DPP10: variants seen among roughly 807,000 people sequenced by gnomAD.
DPP10 encodes the protein dipeptidyl peptidase like 10.
A neutral mutation model predicts 120.9 loss-of-function variants in DPP10; 33 were observed. The ratio of observed to expected loss-of-function variants is 0.27; its 90% CI spans 0.21 to 0.37. The LOEUF (loss-of-function observed/expected upper bound fraction) is 0.37, where lower values mean the gene tolerates loss of function less well. Ranked by LOEUF, DPP10 falls within the 10% of genes least tolerant of loss-of-function variation. DPP10 has a pLI of 1.00. For synonymous variants in DPP10, 337 were observed against 326.1 expected (o/e 1.03, Z -0.36); for missense variants, 816 against 942.8 (o/e 0.87, Z 1.76).
chr2:114,576,156 C>T (rs1003440323), intron 1 of DPP10, among the ~76,000 whole-genome samples: 1 of 152,190 alleles, frequency 6.6e-6, no homozygotes, highest in African/African-American at 2.4e-5. Flanking sequence ...AAAGTCCTAA[C>T]AGTAAATAAA....
chr2:114,776,670 A>G (rs1218554819), intron 1 of DPP10, among the ~76,000 whole-genome samples: 1 of 152,318 alleles, frequency 6.6e-6, no homozygotes, highest in Non-Finnish European at 1.5e-5. Flanking sequence ...CAAACACTAC[A>G]TTAAAAAAAG....
At chr2:115,707,890 A>G (rs1229321201) in intron 7 of DPP10, among the ~76,000 whole-genome samples, 1 of 151,952 alleles carries the variant, frequency 6.6e-6, no homozygotes, top group Non-Finnish European at 1.5e-5. Flanking sequence ...TATGAATAAC[A>G]AGATGAAACT....
chr2:114,978,991 A>G (rs915729028), intron 1 of DPP10, among the ~76,000 whole-genome samples: 1 of 152,138 alleles, frequency 6.6e-6, no homozygotes, highest in Non-Finnish European at 1.5e-5. Flanking sequence ...TCATGTTCAA[A>G]TACAGAGAAA....
At chr2:115,235,867 G>A (rs556391420) in intron 1 of DPP10, among the ~76,000 whole-genome samples, 79 of 152,154 alleles carry the variant, frequency 5.2e-4, no homozygotes, top group Middle Eastern at 3.4e-3. Flanking sequence ...CCAAGCTGAC[G>A]TTTCTTACAG....
chr2:115,092,940 C>T (rs1430486370), intron 1 of DPP10, among the ~76,000 whole-genome samples: 3 of 152,110 alleles, frequency 2.0e-5, no homozygotes, highest in African/African-American at 4.8e-5. Context: ...AAAGCTGAAA[C>T]AGTGAACCTA....
intron 1 of DPP10, among the ~76,000 whole-genome samples, chr2:115,308,557 A>G (rs951826820): frequency 1.3e-5 from 2 of 152,092 alleles, no homozygotes; most frequent in African/African-American, 4.8e-5. Flanking sequence ...GCTTTACCAC[A>G]TGCATCGTGA....
At chr2:115,409,680 A>T (rs2068794426) in intron 3 of DPP10, among the ~76,000 whole-genome samples, 2 of 152,156 alleles carry the variant, frequency 1.3e-5, no homozygotes, top group African/African-American at 4.8e-5. Flanking sequence ...AAGAGGAAAA[A>T]CCGTCATTAA....
intron 1 of DPP10, among the ~76,000 whole-genome samples, chr2:115,267,883 G>T (rs780209204): frequency 2.0e-5 from 3 of 152,098 alleles, no homozygotes; most frequent in Non-Finnish European, 4.4e-5. Flanking sequence ...GGTAATTTAT[G>T]TGTGTCCACT....
chr2:114,502,649 A>T (rs944333478), intron 1 of DPP10, among the ~76,000 whole-genome samples: 3 of 152,084 alleles, frequency 2.0e-5, no homozygotes, highest in South Asian at 4.1e-4. Flanking sequence ...TCTTTTTCTC[A>T]TGTGGGTGCA....
rs185084338 is a variant in DPP10 at position 115,434,039 on chromosome 2, A to G, written c.272-65471A>G. 2.8e-3 allele frequency among the ~76,000 whole-genome samples: 427 copies of G among 152,064 alleles called. 2 individuals are homozygous for G. The highest frequency in any genetic ancestry group is 9.9e-3 in the African/African-American group (410 of 41,528). On this transcript the variant is annotated intron_variant, in intron 3 of 25. Coordinates refer to ENST00000410059, the MANE Select transcript of DPP10 (RefSeq NM_020868.6). ...TACTTTGGTAATAGTTTTCTGCTCA[A>G]TTTGACCCAGAGATAGGCTCAGGTA...
intron 1 of DPP10, among the ~76,000 whole-genome samples, chr2:114,678,591 A>G (rs1270788390): frequency 6.6e-6 from 1 of 152,048 alleles, no homozygotes; most frequent in Non-Finnish European, 1.5e-5. Context: ...ATTTATTTAC[A>G]AAAGTTCTCT....
chr2:115,165,730 C>T (rs964742861), intron 1 of DPP10, among the ~76,000 whole-genome samples: 2 of 152,100 alleles, frequency 1.3e-5, no homozygotes, highest in African/African-American at 4.8e-5. Context: ...CACCCTTCTG[C>T]TGACTCCAGT....
chr2:115,244,249 G>T (rs927148743), intron 1 of DPP10, among the ~76,000 whole-genome samples: 10,569 of 58,912 alleles, frequency 0.18, 538 homozygotes, highest in African/African-American at 0.25. Context: ...TAGAGAGAGA[G>T]AGAGAGAGAG....
chr2:115,224,009 C>T (rs1574069230), intron 1 of DPP10, among the ~76,000 whole-genome samples: 1 of 151,984 alleles, frequency 6.6e-6, no homozygotes, highest in Non-Finnish European at 1.5e-5. Context: ...TTTATTTAGC[C>T]CCTTCTAGGC....
At chr2:114,863,752 C>G (rs1558820913) in intron 1 of DPP10, among the ~76,000 whole-genome samples, 1 of 152,212 alleles carries the variant, frequency 6.6e-6, no homozygotes, top group Non-Finnish European at 1.5e-5. Flanking sequence ...GCATTTCCAT[C>G]TATTTGTTTA....
rs1559228845 is a variant in DPP10, at chr2:115,840,793, A to T, written c.2226A>T (p.Leu742=). 6.2e-7 allele frequency: 1 copy of T among 1,613,830 alleles called. No homozygotes were observed. The highest frequency in any genetic ancestry group is 8.5e-7 in the Non-Finnish European group (1 of 1,179,866). Residue 742 remains leucine (L), a synonymous_variant, in exon 25 of 26, where the codon CTA becomes CTT. Coordinates refer to ENST00000410059, the MANE Select transcript of DPP10 (RefSeq NM_020868.6). ...FQHSAELIKH[L]IKAGVNYTMQ... ...ACTCAGCAGAATTAATCAAGCACCT[A>T]ATAAAAGCTGGAGTGAATTATACTA...
chr2:114,860,356 C>G (rs1198735478), intron 1 of DPP10, among the ~76,000 whole-genome samples: 1 of 152,152 alleles, frequency 6.6e-6, no homozygotes, highest in Non-Finnish European at 1.5e-5. Flanking sequence ...TTCACGAAGA[C>G]TCCGTAACAT....
chr2:114,818,479 C>T (rs1398358287), intron 1 of DPP10, among the ~76,000 whole-genome samples: 2 of 151,916 alleles, frequency 1.3e-5, no homozygotes, highest in Non-Finnish European at 2.9e-5. Flanking sequence ...AGTGGCTGCA[C>T]GAAAGAAGGA....
intron 1 of DPP10, among the ~76,000 whole-genome samples, chr2:115,262,662 A>G: frequency 6.6e-6 from 1 of 152,164 alleles, no homozygotes; most frequent in Non-Finnish European, 1.5e-5. Flanking sequence ...TAAATAAGGT[A>G]ACCTTTATAT....
Sources: allele counts gnomAD v4.1 joint callset (sites outside exome capture counted in the v4.1 genomes callset), GRCh38; gene constraint gnomAD v4.1.1; transcripts MANE v1.5; gene names NCBI Gene and HGNC (gene_info 2026-07-23, HGNC 2026-07-21).